PCDH15: variants seen among roughly 807,000 people sequenced by gnomAD.
PCDH15 encodes protocadherin-15.
PCDH15 carries 129 observed loss-of-function variants against 178.5 expected under a neutral mutation model. The observed-to-expected ratio is 0.72, with a 90% CI of 0.63 to 0.84. PCDH15 has a LOEUF of 0.84. Ranked by LOEUF, PCDH15 falls within the 40% of genes least tolerant of loss-of-function variation. PCDH15 has a pLI of 0.00. For synonymous variants in PCDH15, 800 were observed against 732.0 expected (o/e 1.09, Z -1.50); for missense variants, 2,230 against 2,099.9 (o/e 1.06, Z -1.21).
At chr10:55,052,376 C>T (rs1841185229) in intron 2 of PCDH15, among the ~76,000 whole-genome samples, 1 of 151,470 alleles carries the variant, frequency 6.6e-6, no homozygotes, top group South Asian at 2.1e-4. Context: ...GCGTGAGCCA[C>T]CGTACCCGGC....
At chr10:55,297,546 T>C (rs985968834) in intron 1 of PCDH15, among the ~76,000 whole-genome samples, 2 of 152,120 alleles carry the variant, frequency 1.3e-5, no homozygotes, top group Non-Finnish European at 2.9e-5. Context: ...TTAGAAAAAT[T>C]TGGAAATATG....
chr10:55,228,473 T>C (rs908138803), intron 1 of PCDH15, among the ~76,000 whole-genome samples: 3 of 152,064 alleles, frequency 2.0e-5, no homozygotes, highest in Non-Finnish European at 2.9e-5. Context: ...ATGTATTGCA[T>C]TGAAAAAAAT....
At chr10:54,612,111 A>G (rs919657259) in intron 2 of PCDH15, among the ~76,000 whole-genome samples, 2 of 151,890 alleles carry the variant, frequency 1.3e-5, no homozygotes, top group African/African-American at 4.8e-5. Flanking sequence ...TGGTAGCATA[A>G]CACATCACTT....
chr10:54,759,560 A>T (rs538808059), intron 1 of PCDH15, among the ~76,000 whole-genome samples: 4 of 152,296 alleles, frequency 2.6e-5, no homozygotes, highest in African/African-American at 7.2e-5. Context: ...TGATTCATTC[A>T]TCTTAATTTA....
intron 8 of PCDH15, among the ~76,000 whole-genome samples, chr10:54,288,093 G>A (rs1244601705): frequency 6.6e-6 from 1 of 152,138 alleles, no homozygotes; most frequent in Non-Finnish European, 1.5e-5. Context: ...GGAGGCTGAG[G>A]CAGGTGGATC....
chr10:54,603,731 C>T (rs1005602157), intron 2 of PCDH15, among the ~76,000 whole-genome samples: 28 of 151,930 alleles, frequency 1.8e-4, no homozygotes, highest in African/African-American at 6.7e-4. Flanking sequence ...AATGAAAAGC[C>T]AACATGTTGG....
intron 2 of PCDH15, among the ~76,000 whole-genome samples, chr10:55,526,961 T>C (rs1488092059): frequency 6.6e-6 from 1 of 152,098 alleles, no homozygotes; most frequent in Non-Finnish European, 1.5e-5. Flanking sequence ...GTCTATACAC[T>C]GCCTAGCTGT....
At chr10:54,231,229 C>G (rs1219791004) in intron 9 of PCDH15, among the ~76,000 whole-genome samples, 2 of 152,222 alleles carry the variant, frequency 1.3e-5, no homozygotes, top group Admixed American at 1.3e-4. Flanking sequence ...TTCCTGCATC[C>G]AGCCATTCCA....
rs776416750 is a variant in PCDH15 at position 53,959,825 on chromosome 10, T to C, written c.3029A>G (p.Asp1010Gly). Residue 1010 changes from aspartate (D) to glycine (G), a missense_variant, in exon 23 of 38, where the codon GAT (aspartate) becomes GGT (glycine). Physicochemically the swap from Asp to Gly is moderately conservative, Grantham distance 94. Coordinates refer to ENST00000644397, the MANE Select transcript of PCDH15 (RefSeq NM_001384140.1). ...GCTGGACATCACAGGCTCCCCATCA[T>C]CAAAAGCAACCACCACCAACTTAAA... ...TIFKLVVVAF[D>G]DGEPVMSSSA... 1 of 1,613,908 alleles carries C rather than the reference T, an allele frequency of 6.2e-7. No homozygotes were observed. The highest frequency in any genetic ancestry group is 2.2e-5 in the East Asian group (1 of 44,858).
At chr10:55,283,242 T>C (rs553375861) in intron 1 of PCDH15, among the ~76,000 whole-genome samples, 1 of 152,224 alleles carries the variant, frequency 6.6e-6, no homozygotes, top group African/African-American at 2.4e-5. Flanking sequence ...TTATCTGGTC[T>C]CGTGGCCCTT....
chr10:54,042,173 G>A (rs775359250), intron 18 of PCDH15, among the ~76,000 whole-genome samples: 10 of 152,098 alleles, frequency 6.6e-5, no homozygotes, highest in African/African-American at 1.7e-4. Flanking sequence ...TTTTTGTAAC[G>A]TCTTGGGTGA....
intron 1 of PCDH15, among the ~76,000 whole-genome samples, chr10:55,182,791 T>A (rs530610005): frequency 6.6e-6 from 1 of 152,140 alleles, no homozygotes; most frequent in African/African-American, 2.4e-5. Context: ...GATGTACTTT[T>A]AGTTCCGAGA....
chr10:53,811,469 A>T (rs2075862115), intron 36 of PCDH15, 80 bp downstream of exon 36: 7 of 858,956 alleles, frequency 8.1e-6, no homozygotes, highest in Non-Finnish European at 1.2e-5. Flanking sequence ...AACAAATTCT[A>T]GTAATAATAA....
At chr10:55,014,631 A>G (rs1037678648) in intron 2 of PCDH15, among the ~76,000 whole-genome samples, 1 of 152,182 alleles carries the variant, frequency 6.6e-6, no homozygotes, top group African/African-American at 2.4e-5. Flanking sequence ...ACAAGCTACA[A>G]TGCAAAACGT....
At chr10:55,040,014 G>A (rs1051377977) in intron 2 of PCDH15, among the ~76,000 whole-genome samples, 1 of 151,882 alleles carries the variant, frequency 6.6e-6, no homozygotes, top group African/African-American at 2.4e-5. Flanking sequence ...AGAACAAATG[G>A]CTGTAAACAG....
At chr10:55,128,280 G>T (rs1208178217) in intron 2 of PCDH15, among the ~76,000 whole-genome samples, 1 of 151,470 alleles carries the variant, frequency 6.6e-6, no homozygotes, top group Non-Finnish European at 1.5e-5. Flanking sequence ...AGAATATGAG[G>T]ATTCTAACTC....
At chr10:54,019,597 A>C (rs2092848535) in intron 20 of PCDH15, among the ~76,000 whole-genome samples, 1 of 152,236 alleles carries the variant, frequency 6.6e-6, no homozygotes, top group Admixed American at 6.5e-5. Context: ...TAGAAATTCA[A>C]AAAGTTAAAA....
chr10:54,238,496 TAA>T (rs1473130113), intron 8 of PCDH15, among the ~76,000 whole-genome samples: 2 of 152,032 alleles, frequency 1.3e-5, no homozygotes, highest in Admixed American at 1.3e-4. Flanking sequence ...TTCCTGAAAA[TAA>T]AGAGTTGTTG....
intron 1 of PCDH15, among the ~76,000 whole-genome samples, chr10:54,721,547 C>T (rs944951611): frequency 6.6e-6 from 1 of 151,756 alleles, no homozygotes; most frequent in South Asian, 2.1e-4. Flanking sequence ...GACATTAAAA[C>T]TGATACTACA....
Sources: allele counts gnomAD v4.1 joint callset (sites outside exome capture counted in the v4.1 genomes callset), GRCh38; gene constraint gnomAD v4.1.1; transcripts MANE v1.5; gene names NCBI Gene and HGNC (gene_info 2026-07-23, HGNC 2026-07-21).